IRX6: variants seen among roughly 807,000 people sequenced by gnomAD.
IRX6 encodes iroquois homeobox 6.
A neutral mutation model predicts 47.7 loss-of-function variants in IRX6; 46 were observed. That is an observed-to-expected ratio of 0.96 (90% CI 0.76 to 1.23). The LOEUF is 1.23. IRX6 is among the 50% of genes most tolerant of loss of function. IRX6 has a pLI of 0.00. For synonymous variants in IRX6, 265 were observed against 246.2 expected (o/e 1.08, Z -0.72); for missense variants, 722 against 588.0 (o/e 1.23, Z -2.36).
In IRX6 at chr16:55,326,619, G is replaced by A. The variant is rs768872231; in HGVS notation, c.303+26G>A. 1.0e-5 allele frequency: 15 copies of A among 1,484,572 alleles called. No individual in the cohort carries two copies. In the Middle Eastern group the frequency reaches 5.3e-4, roughly 52 times the overall value. 92.0% of individuals were successfully genotyped at this position (1,484,572 alleles called of 1,614,324 possible). On this transcript the variant is annotated intron_variant, in intron 2 of 5. Coordinates refer to ENST00000290552, the MANE Select transcript of IRX6 (RefSeq NM_024335.3). ...GTGAGTACAGGGGTGGAGTCCCAGG[G>A]GAGTGAGCAGTAGAGACAGGTGAAA...
Position 55,324,755 on chromosome 16 carries a change from G to A in IRX6, c.-337G>A. ...ATTGAGCCTCTGGCCACCTTGGACT[G>A]GGACACCTCCGGAGCCTCACAGCCC... On this transcript the variant is annotated 5_prime_UTR_variant, in exon 1 of 6. Coordinates refer to ENST00000290552, the MANE Select transcript of IRX6 (RefSeq NM_024335.3). The surrounding 1 kb of genome is among the most constrained non-coding windows in gnomAD (Gnocchi z 4.4). The A allele has an allele frequency of 2.7e-6, 1 of 373,806 alleles. No individual in the cohort carries two copies. The highest frequency in any genetic ancestry group is 4.9e-6 in the Non-Finnish European group (1 of 202,346). The allele number at this position is 373,806 out of a possible 1,614,324, so 23.2% of individuals were successfully genotyped here. A position where few individuals can be genotyped will look rare whatever the true frequency, so the allele number is the denominator to read the frequency against.
chr16:55,327,512 C>A, intron 3 of IRX6, 74 bp from the exon 4 acceptor site: 2 of 1,577,758 alleles, frequency 1.3e-6, no homozygotes, highest in South Asian at 1.1e-5. Context: ...AACCACACTT[C>A]CACGCCACAG....
chr16:55,325,022 G>C lies in IRX6; in HGVS notation c.-70G>C. ...AAGGAACTGAGACACCTCACTGCTG[G>C]GGGCGCGGAACAGCTGGGCTGAGAC... On this transcript the variant is annotated 5_prime_UTR_variant, in exon 1 of 6. Coordinates refer to ENST00000290552, the MANE Select transcript of IRX6 (RefSeq NM_024335.3). The C allele has an allele frequency of 6.5e-7, 1 of 1,527,220 alleles. No individual in the cohort carries two copies. Among genetic ancestry groups the C allele is most frequent in the Non-Finnish European group, 9.1e-7 (1 of 1,101,686 alleles). 94.6% of individuals were successfully genotyped at this position (1,527,220 alleles called of 1,614,324 possible).
At position 55,327,397 on chromosome 16, in the gene IRX6, A is replaced by G. The variant is rs781629070; in HGVS notation, c.405A>G (p.Gln135=). The change falls in exon 3 of 6, where the codon CAA becomes CAG. Residue 135 remains glutamine, a synonymous_variant. Transcript: ENST00000290552. ...YPYERTLGQY[Q]YERYGAVELS... ...ATGAGCGGACTCTGGGGCAGTACCAATATGAACGGTAAGGAGTGAAGGGCC... is the reference window on the plus strand; with the variant it reads ...ATGAGCGGACTCTGGGGCAGTACCAGTATGAACGGTAAGGAGTGAAGGGCC... 7 of 1,612,174 alleles carry G rather than the reference A, an allele frequency of 4.3e-6. No homozygotes were observed. Among genetic ancestry groups the G allele is most frequent in the Middle Eastern group, 1.6e-4 (1 of 6,062 alleles).
In IRX6 at chr16:55,327,652, A is replaced by C; in HGVS notation, c.480A>C (p.Thr160=). The C allele has an allele frequency of 6.2e-7, 1 of 1,612,330 alleles. No individual in the cohort carries two copies. The highest frequency in any genetic ancestry group is 8.5e-7 in the Non-Finnish European group (1 of 1,179,944). ...RKNATRETTS[T]LKAWLNEHRK... ...ACGCGACCCGGGAGACCACCAGTAC[A>C]CTCAAGGCCTGGCTCAACGAGCACC... Residue 160 remains threonine (T), a synonymous_variant, in exon 4 of 6, where the codon ACA becomes ACC. Transcript: ENST00000290552.
At chr16:55,328,564 A>AC in intron 4 of IRX6, 136 bp from the exon 5 acceptor site, 1 of 867,152 alleles carries the variant, frequency 1.2e-6, no homozygotes, top group Non-Finnish European at 1.8e-6. Context: ...AAGGGGTGGT[A>AC]CGGCAGGTCT....
At chr16:55,326,012 T>C (rs1960514692) in intron 1 of IRX6, 1 of 309,180 alleles carries the variant, frequency 3.2e-6, no homozygotes, top group Non-Finnish European at 6.0e-6. Flanking sequence ...GGGAGGAGGG[T>C]AGGGAAGGGA....
chr16:55,326,518 G>C lies in IRX6; in HGVS notation c.228G>C (p.Ala76=). 6.2e-7 allele frequency: 1 copy of C among 1,605,104 alleles called. No homozygotes were observed. Among genetic ancestry groups the C allele is most frequent in the Non-Finnish European group, 8.5e-7 (1 of 1,175,808 alleles). The change falls in exon 2 of 6, where the codon GCG becomes GCC. Residue 76 remains alanine (A), a synonymous_variant. Transcript: ENST00000290552. Reference sequence around the variant, plus strand: ...TGGGCATCTATGGAGCACCCTATGCGGCCGCTGCAGCTGCCCAGAGCTACC... The same window carrying C: ...TGGGCATCTATGGAGCACCCTATGCCGCCGCTGCAGCTGCCCAGAGCTACC... ...AALGIYGAPY[A]AAAAAQSYPG...
chr16:55,329,359 A>C (rs1596882321), intron 5 of IRX6, 48 bp downstream of exon 5: 1 of 1,537,198 alleles, frequency 6.5e-7, no homozygotes, highest in Non-Finnish European at 8.7e-7. Flanking sequence ...AAAGACACCC[A>C]CCTACCGCCC....
rs376571751 is a variant in IRX6, at chr16:55,325,567, A to AAGAGAGAGAG, written c.45+436_45+437insGAGAGAGAGA. 5.2e-5 allele frequency among the ~76,000 whole-genome samples: 3 copies of AAGAGAGAGAG among 57,570 alleles called. 1 individual carries two copies. Among genetic ancestry groups the AAGAGAGAGAG allele is most frequent in the Non-Finnish European group, 3.9e-5 (1 of 25,482 alleles). 37.8% of individuals were successfully genotyped at this position (57,570 alleles called of 152,430 possible). ...AGAGAGAGAGAGAGAGAGAGAAAGA[A>AAGAGAGAGAG]AGAGAAAGAAAGAAAGAAGGAAAGA... On this transcript the variant is annotated intron_variant, in intron 1 of 5. Transcript: ENST00000290552.
At position 55,330,572 on chromosome 16, in the gene IRX6, A is replaced by C; in HGVS notation, c.*267A>C. On this transcript the variant is annotated 3_prime_UTR_variant, in exon 6 of 6. Coordinates refer to ENST00000290552, the MANE Select transcript of IRX6 (RefSeq NM_024335.3). ...GGCTGGGAGGCTGCCCCACCCACCGACTCTACCAAGTCTCTCTTCCTCCTG... is the reference window on the plus strand; with the variant it reads ...GGCTGGGAGGCTGCCCCACCCACCGCCTCTACCAAGTCTCTCTTCCTCCTG... The C allele has an allele frequency of 3.6e-6, 2 of 550,142 alleles. No individual in the cohort carries two copies. Among genetic ancestry groups the C allele is most frequent in the Admixed American group, 3.2e-5 (1 of 30,892 alleles). The allele number at this position is 550,142 out of a possible 1,614,324, so 34.1% of individuals were successfully genotyped here. A position where few individuals can be genotyped will look rare whatever the true frequency, so the allele number is the denominator to read the frequency against.
Position 55,327,640 on chromosome 16 carries a change from G to C in IRX6, c.468G>C (p.Glu156Asp), listed in dbSNP as rs770726334. The change falls in exon 4 of 6, where the codon GAG becomes GAC. Residue 156 changes from glutamate (E) to aspartate (D), a missense_variant. Coordinates refer to ENST00000290552, the MANE Select transcript of IRX6 (RefSeq NM_024335.3). ...GTCGCCGAAAGAACGCGACCCGGGA[G>C]ACCACCAGTACACTCAAGGCCTGGC... The part of the protein sequence containing the change: ...GAGRRKNATR[E>D]TTSTLKAWLN... 1 of 1,611,806 alleles carries C rather than the reference G, an allele frequency of 6.2e-7. No individual in the cohort carries two copies. The highest frequency in any genetic ancestry group is 2.2e-5 in the East Asian group (1 of 44,866).
At chr16:55,326,624 G>A (rs1960533558) in intron 2 of IRX6, 31 bp downstream of exon 2, 1 of 1,473,836 alleles carries the variant, frequency 6.8e-7, no homozygotes, top group African/African-American at 1.4e-5. Context: ...CCAGGGGAGT[G>A]AGCAGTAGAG....
In IRX6 at chr16:55,330,620, C is replaced by A; in HGVS notation, c.*315C>A. On this transcript the variant is annotated 3_prime_UTR_variant, in exon 6 of 6. Coordinates refer to ENST00000290552, the MANE Select transcript of IRX6 (RefSeq NM_024335.3). ...CTGTGGATTCAGCAAGGCTTCCTCT[C>A]CTGCTCACCCCTGTCTCTCACCTCC... is the stretch of plus-strand genomic sequence containing the variant. The A allele has an allele frequency of 2.1e-6, 1 of 473,504 alleles. No individual in the cohort carries two copies. The highest frequency in any genetic ancestry group is 2.4e-5 in the South Asian group (1 of 41,932). 29.3% of individuals were successfully genotyped at this position (473,504 alleles called of 1,614,324 possible).
chr16:55,325,210 G>C (rs571404782), intron 1 of IRX6, 74 bp downstream of exon 1: 294 of 1,466,142 alleles, frequency 2.0e-4, no homozygotes, highest in Non-Finnish European at 2.6e-4. Context: ...GCCTGCCTCT[G>C]ATCATCCTCC....
intron 4 of IRX6, 27 bp downstream of exon 4, chr16:55,327,920 T>C: frequency 6.4e-7 from 1 of 1,557,430 alleles, no homozygotes; most frequent in Non-Finnish European, 8.7e-7. Flanking sequence ...CCACCCCACC[T>C]TAAGGGTTTT....
chr16:55,329,240 C>G lies in IRX6; in HGVS notation c.1262C>G (p.Pro421Arg), dbSNP rs745590808. The G allele has an allele frequency of 4.5e-5, 72 of 1,613,730 alleles. No homozygotes were observed. Among genetic ancestry groups the G allele is most frequent in the Non-Finnish European group, 5.1e-5 (60 of 1,180,038 alleles). Residue 421 changes from proline to arginine, a missense_variant, in exon 5 of 6, where the codon CCG (proline) becomes CGG (arginine). Coordinates refer to ENST00000290552, the MANE Select transcript of IRX6 (RefSeq NM_024335.3). ...CCCAAGTTTGCCCTGCAGGGACTAC[C>G]GCTGAACTGTGCGCCGTGCCCGCGG... ...GNPKFALQGL[P>R]LNCAPCPRRS... is the part of the protein sequence containing the mutation.
rs1491427085 is a variant in IRX6 at position 55,325,530 on chromosome 16, G to GGAAGGAAGGAAGGAGAGAGA, written c.45+396_45+397insAGGAAGGAAGGAGAGAGAGA. 2.2e-4 allele frequency among the ~76,000 whole-genome samples: 2 copies of GGAAGGAAGGAAGGAGAGAGA among 9,084 alleles called. 1 individual carries two copies. Among genetic ancestry groups the GGAAGGAAGGAAGGAGAGAGA allele is most frequent in the Non-Finnish European group, 3.5e-4 (2 of 5,712 alleles). The allele number at this position is 9,084 out of a possible 152,430, so 6.0% of individuals were successfully genotyped here. On this transcript the variant is annotated intron_variant, in intron 1 of 5. Coordinates refer to ENST00000290552, the MANE Select transcript of IRX6 (RefSeq NM_024335.3). The stretch of plus-strand genomic sequence containing the variant: ...AGGAAGGAAGGAAGGAAGGAAGGAA[G>GGAAGGAAGGAAGGAGAGAGA]GAGAGAGAGAGAGAGAGAGAGAGAG...
In IRX6 at chr16:55,330,655, A is replaced by C; in HGVS notation, c.*350A>C. On this transcript the variant is annotated 3_prime_UTR_variant, in exon 6 of 6. Coordinates refer to ENST00000290552, the MANE Select transcript of IRX6 (RefSeq NM_024335.3). ...CCTGTCTCTCACCTCCACCAACCCCACTCACTTTGTAACTTCATCACTGAC... is the reference window on the plus strand; with the variant it reads ...CCTGTCTCTCACCTCCACCAACCCCCCTCACTTTGTAACTTCATCACTGAC... 2.6e-6 allele frequency: 1 copy of C among 386,778 alleles called. No individual in the cohort carries two copies. Among genetic ancestry groups the C allele is most frequent in the Non-Finnish European group, 4.8e-6 (1 of 209,770 alleles). 24.0% of individuals were successfully genotyped at this position (386,778 alleles called of 1,614,324 possible). A position where few individuals can be genotyped will look rare whatever the true frequency, so the allele number is the denominator to read the frequency against.
Sources: allele counts gnomAD v4.1 joint callset (sites outside exome capture counted in the v4.1 genomes callset), GRCh38; gene constraint gnomAD v4.1.1; non-coding constraint Gnocchi (gnomAD v3.1); transcripts MANE v1.5; gene names NCBI Gene and HGNC (gene_info 2026-07-23, HGNC 2026-07-21).